LRMDA: variants seen among roughly 807,000 people sequenced by gnomAD.
The protein encoded by LRMDA is leucine rich melanocyte differentiation associated.
LRMDA carries 18 observed loss-of-function variants against 29.8 expected under a neutral mutation model. That is an observed-to-expected ratio of 0.60 (90% CI 0.42 to 0.90). The LOEUF (loss-of-function observed/expected upper bound fraction) is 0.90, where lower values mean the gene tolerates loss of function less well. Among genes scored for constraint, LRMDA ranks in the 40% least tolerant of loss-of-function variants. LRMDA has a pLI of 0.00. For missense variants in LRMDA, 273 were observed against 273.9 expected, an observed-to-expected ratio of 1.00 and a Z score of 0.02; for synonymous variants, 125 against 109.4, an observed-to-expected ratio of 1.14 and a Z score of -0.89.
At chr10:76,261,935 A>G (rs1164241748) in intron 5 of LRMDA, among the ~76,000 whole-genome samples, 1 of 152,138 alleles carries the variant, frequency 6.6e-6, no homozygotes, top group Admixed American at 6.5e-5. Context: ...ATTAGTGGGG[A>G]AGAAAATTGT....
rs75484164 is a variant in LRMDA at position 75,806,307 on chromosome 10, T to C, written c.132-229701T>C. On this transcript the variant is annotated intron_variant, in intron 2 of 6. Transcript: ENST00000611255. ...TATATCAAGGGCCCATAGTGCTTTG[T>C]CTTCGACACTGAGTGAACCATGGAA... 5.4e-3 allele frequency among the ~76,000 whole-genome samples: 822 copies of C among 152,358 alleles called. 11 individuals carry two copies. Among genetic ancestry groups the C allele is most frequent in the African/African-American group, 0.019 (771 of 41,566 alleles).
chr10:75,594,056 C>T (rs995674497), intron 2 of LRMDA, among the ~76,000 whole-genome samples: 22 of 152,200 alleles, frequency 1.4e-4, no homozygotes, highest in African/African-American at 5.3e-4. Context: ...CCTTTTGTCC[C>T]AGTAAATGTA....
intron 2 of LRMDA, among the ~76,000 whole-genome samples, chr10:75,750,139 T>G (rs1303827543): frequency 6.6e-6 from 1 of 152,238 alleles, no homozygotes; most frequent in Non-Finnish European, 1.5e-5. Flanking sequence ...AATGAGCTGT[T>G]GGGTACACCT....
rs143499607 is a variant in LRMDA, at chr10:76,506,024, G to A, written c.602-51185G>A. ...GCCCCTTCTCTAGGAGCTATTTGGGGCCAGGAACTGTCCCTGACATTTGAC... is the reference window on the plus strand; with the variant it reads ...GCCCCTTCTCTAGGAGCTATTTGGGACCAGGAACTGTCCCTGACATTTGAC... On this transcript the variant is annotated intron_variant, in intron 6 of 6. Transcript: ENST00000611255. Among the ~76,000 whole-genome samples, 389 of 152,206 alleles carry A rather than the reference G, an allele frequency of 2.6e-3. 1 individual carries two copies. The highest frequency in any genetic ancestry group is 4.3e-3 in the Non-Finnish European group (295 of 68,000).
chr10:75,750,988 C>G (rs1028761896), intron 2 of LRMDA, among the ~76,000 whole-genome samples: 2 of 152,200 alleles, frequency 1.3e-5, no homozygotes, highest in Non-Finnish European at 2.9e-5. Context: ...AGTTTGTAGC[C>G]AGCCGAGATC....
At chr10:76,290,411 CTTTT>C (rs11321369) in intron 5 of LRMDA, among the ~76,000 whole-genome samples, 29 of 76,752 alleles carry the variant, frequency 3.8e-4, no homozygotes, top group African/African-American at 1.6e-3. Flanking sequence ...TTTATTTTCT[CTTTT>C]TTTTTTTTTT....
intron 2 of LRMDA, among the ~76,000 whole-genome samples, chr10:75,859,640 CACACACAT>C (rs140754576): frequency 0.033 from 4,726 of 145,240 alleles, 189 homozygotes; most frequent in East Asian, 0.18. Context: ...CACACACACA[CACACACAT>C]ACATCTGGCC....
At position 75,654,222 on chromosome 10, in the gene LRMDA, C is replaced by T. The variant is rs556683139; in HGVS notation, c.131+215728C>T. Among the ~76,000 whole-genome samples, 31 of 152,292 alleles carry T rather than the reference C, an allele frequency of 2.0e-4. No homozygotes were observed. In the East Asian group the frequency reaches 3.1e-3, roughly 15 times the overall value. ...TGGTTGAAAGGTCCAGTTCTTGGCT[C>T]TATCACTTACTGGCTGTATGACTGT... On this transcript the variant is annotated intron_variant, in intron 2 of 6. Coordinates refer to ENST00000611255, the MANE Select transcript of LRMDA (RefSeq NM_001305581.2).
chr10:76,461,780 G>C (rs113055028), intron 6 of LRMDA, among the ~76,000 whole-genome samples: 239 of 152,148 alleles, frequency 1.6e-3, no homozygotes, highest in African/African-American at 5.4e-3. Flanking sequence ...CTTTTGTTAA[G>C]AATGTGGACT....
rs116332351 is a variant in LRMDA at position 75,709,370 on chromosome 10, G to C, written c.131+270876G>C. Among the ~76,000 whole-genome samples, 682 of 151,980 alleles carry C rather than the reference G, an allele frequency of 4.5e-3. 8 individuals are homozygous for C. The highest frequency in any genetic ancestry group is 0.016 in the African/African-American group (655 of 41,438). ...CATAAGTGTGTGTGTCTGTGTGTGC[G>C]TGCATGCGTATGTGTGCCTGTGTGT... On this transcript the variant is annotated intron_variant, in intron 2 of 6. Coordinates refer to ENST00000611255, the MANE Select transcript of LRMDA (RefSeq NM_001305581.2).
intron 6 of LRMDA, among the ~76,000 whole-genome samples, chr10:76,502,269 A>C (rs1473627936): frequency 6.6e-6 from 1 of 151,986 alleles, no homozygotes; most frequent in African/African-American, 2.4e-5. Context: ...GTGGCTTTAC[A>C]ATATAGATTA....
At chr10:75,963,043 C>G (rs544584278) in intron 2 of LRMDA, among the ~76,000 whole-genome samples, 4 of 152,276 alleles carry the variant, frequency 2.6e-5, no homozygotes, top group African/African-American at 9.6e-5. Context: ...GTTGCTATAT[C>G]TATTTACTTA....
intron 2 of LRMDA, among the ~76,000 whole-genome samples, chr10:75,668,606 T>C (rs569511643): frequency 7.2e-5 from 11 of 152,208 alleles, no homozygotes; most frequent in Non-Finnish European, 1.5e-4. Flanking sequence ...CCCAGAGCAC[T>C]GTCTCACATA....
intron 2 of LRMDA, among the ~76,000 whole-genome samples, chr10:75,723,277 G>A (rs768213184): frequency 1.3e-5 from 2 of 152,198 alleles, no homozygotes; most frequent in Non-Finnish European, 2.9e-5. Context: ...ATCCCACCAT[G>A]AATGGAACTG....
At chr10:76,361,815 A>C (rs1410229766) in intron 6 of LRMDA, among the ~76,000 whole-genome samples, 1 of 152,162 alleles carries the variant, frequency 6.6e-6, no homozygotes. Flanking sequence ...GTTGACACTG[A>C]CAGGACGTGG....
At chr10:75,716,421 A>G (rs1260220966) in intron 2 of LRMDA, among the ~76,000 whole-genome samples, 1 of 152,200 alleles carries the variant, frequency 6.6e-6, no homozygotes, top group Non-Finnish European at 1.5e-5. Context: ...GTATTCTGTT[A>G]CTTGCAATCT....
At chr10:76,188,935 T>TATACACAC (rs543986710) in intron 5 of LRMDA, among the ~76,000 whole-genome samples, 1 of 141,636 alleles carries the variant, frequency 7.1e-6, no homozygotes, top group African/African-American at 2.5e-5. Flanking sequence ...TGATTGCATG[T>TATACACAC]ACACACACAC....
At chr10:75,863,839 AG>A in intron 2 of LRMDA, among the ~76,000 whole-genome samples, 1 of 152,354 alleles carries the variant, frequency 6.6e-6, no homozygotes, top group East Asian at 1.9e-4. Flanking sequence ...CCTCTAGACA[AG>A]AAAAGACTTC....
At chr10:75,757,206 T>C (rs1391967447) in intron 2 of LRMDA, among the ~76,000 whole-genome samples, 1 of 152,208 alleles carries the variant, frequency 6.6e-6, no homozygotes, top group East Asian at 1.9e-4. Context: ...CTCTCCTTTA[T>C]CCTTCTGCTA....
Sources: allele counts gnomAD v4.1 joint callset (sites outside exome capture counted in the v4.1 genomes callset), GRCh38; gene constraint gnomAD v4.1.1; transcripts MANE v1.5; gene names NCBI Gene and HGNC (gene_info 2026-07-23, HGNC 2026-07-21).